Variants in ARMCX4 observed in about 807,000 individuals in gnomAD.
ARMCX4 encodes the protein armadillo repeat containing X-linked 4, also known as armadillo repeat-containing X-linked protein 4.
A neutral mutation model predicts 34.7 loss-of-function variants in ARMCX4; 3 were observed. The ratio of observed to expected loss-of-function variants is 0.09; its 90% CI spans 0.04 to 0.22. ARMCX4 has a LOEUF of 0.22. Ranked by LOEUF, ARMCX4 falls within the 10% of genes least tolerant of loss-of-function variation. ARMCX4 has a pLI of 1.00. For synonymous variants in ARMCX4, 513 were observed against 632.8 expected, an observed-to-expected ratio of 0.81 and a Z score of 2.84; for missense variants, 1,448 against 1,720.8, an observed-to-expected ratio of 0.84 and a Z score of 2.81.
rs782777532 is a variant in ARMCX4, at chrX:101,476,692, G to A, written c.-472-9331G>A. Among the ~76,000 whole-genome samples, 657 of 111,383 alleles carry A rather than the reference G, an allele frequency of 5.9e-3. 4 individuals are homozygous for A. Among genetic ancestry groups the A allele is most frequent in the Middle Eastern group, 9.3e-3 (2 of 214 alleles). ...TAAACCCACCAGATGTAAAACCTGG[G>A]ATGAGGTTAGAGTTATTAAAGAGGG... On this transcript the variant is annotated intron_variant and NMD_transcript_variant, in intron 4 of 15. Coordinates refer to the ARMCX4 transcript ENST00000433011.
chrX:101,434,138 G>C (rs1201829426), intron 2 of ARMCX4, among the ~76,000 whole-genome samples: 2 of 109,851 alleles, frequency 1.8e-5, no homozygotes, highest in Non-Finnish European at 3.8e-5. Flanking sequence ...TAGAGACGTG[G>C]GTCTCACCAT....
intron 4 of ARMCX4, among the ~76,000 whole-genome samples, chrX:101,452,912 A>G (rs1445725063): frequency 9.3e-6 from 1 of 107,137 alleles, no homozygotes; most frequent in African/African-American, 3.4e-5. Flanking sequence ...GGTAGTAGGG[A>G]GGGAGAAAAC....
rs1267044927 is a variant in ARMCX4 at position 101,439,339 on chromosome X, C to T, written n.165-4713C>T. Among the ~76,000 whole-genome samples, 7 of 111,568 alleles carry T rather than the reference C, an allele frequency of 6.3e-5. No individual in the cohort carries two copies. In the East Asian group the frequency reaches 8.5e-4, roughly 13 times the overall value. ...CTTGTAGAGTTTCTGCCGAGAGATCCGCTGTTAGTCTGATGGGCTTCCCTT... is the reference window on the plus strand; with the variant it reads ...CTTGTAGAGTTTCTGCCGAGAGATCTGCTGTTAGTCTGATGGGCTTCCCTT... On this transcript the variant is annotated intron_variant and non_coding_transcript_variant, in intron 2 of 3. Transcript: ENST00000430461.
chrX:101,447,606 A>G (rs1460772217), downstream of ARMCX4: 1 of 111,783 alleles, frequency 8.9e-6, no homozygotes, highest in Non-Finnish European at 1.9e-5. Context: ...GCTGTCTGGG[A>G]GCTCGGCTGC....
chrX:101,477,520 G>C (rs1316080796), intron 4 of ARMCX4, among the ~76,000 whole-genome samples: 1 of 98,687 alleles, frequency 1.0e-5, no homozygotes, highest in Admixed American at 1.2e-4. Flanking sequence ...ACTGTGCTCA[G>C]ACTATTATTT....
chrX:101,448,682 T>G (rs1931791218), downstream of ARMCX4, among the ~76,000 whole-genome samples: 1 of 111,200 alleles, frequency 9.0e-6, no homozygotes, highest in Non-Finnish European at 1.9e-5. Context: ...AACCTCCACC[T>G]CCCGGGTTCA....
intron 2 of ARMCX4, among the ~76,000 whole-genome samples, chrX:101,426,529 G>C (rs1555991040): frequency 9.0e-6 from 1 of 111,646 alleles, no homozygotes; most frequent in African/African-American, 3.3e-5. Context: ...GAGTTGTAAG[G>C]GTGAGAGCAG....
rs1477995042 is a variant in ARMCX4 at position 101,435,394 on chromosome X, A to G, written n.165-8658A>G. On this transcript the variant is annotated intron_variant and non_coding_transcript_variant, in intron 2 of 3. Coordinates refer to the ARMCX4 transcript ENST00000430461. ...TGCATTTCTCTGATGGCCAGTGATG[A>G]TGAGCATTTTTTCATGTGTCTTTTG... Among the ~76,000 whole-genome samples, 9 of 111,470 alleles carry G rather than the reference A, an allele frequency of 8.1e-5. No homozygotes were observed. In the East Asian group the frequency reaches 2.3e-3, roughly 28 times the overall value.
intron 2 of ARMCX4, among the ~76,000 whole-genome samples, chrX:101,426,266 G>A (rs1929617755): frequency 8.9e-6 from 1 of 111,758 alleles, no homozygotes; most frequent in South Asian, 3.7e-4. Flanking sequence ...ATCTGGAATC[G>A]AAAGCATAGG....
chrX:101,466,499 G>C (rs145938777), intron 4 of ARMCX4, among the ~76,000 whole-genome samples: 1,465 of 111,747 alleles, frequency 0.013, 27 homozygotes, highest in African/African-American at 0.045. Context: ...TCCATCATCT[G>C]GTGAATAAAT....
chrX:101,509,428 GTTTGAAAGTCAT>G (rs1934527703), intron 9 of ARMCX4: 2 of 111,262 alleles, frequency 1.8e-5, no homozygotes, highest in Non-Finnish European at 3.8e-5. Context: ...GATCTTTCAG[GTTTGAAAGTCAT>G]TTTTCTTTTT....
intron 2 of ARMCX4, among the ~76,000 whole-genome samples, chrX:101,442,200 C>T (rs782623317): frequency 2.2e-4 from 25 of 112,260 alleles, no homozygotes; most frequent in South Asian, 3.7e-4. Flanking sequence ...GGATTCCTAG[C>T]GCTGTCAGCA....
chrX:101,493,063 G>A lies in ARMCX4; in HGVS notation c.4474G>A (p.Asp1492Asn), dbSNP rs1310394765. The change falls in exon 6 of 6, where the codon GAC becomes AAC. Residue 1492 changes from aspartate (D) to asparagine (N), a missense_variant. Coordinates refer to ENST00000423738, the MANE Select transcript of ARMCX4 (RefSeq NM_001256155.3). ...VVGDSRLGLR[D>N]QSSGDSWAGT... ...TGGAGATTCTAGGCTGGGGCTTAGG[G>A]ACCAGTCTAGTGGAGATTCCTGGGC... 8.7e-7 allele frequency: 1 copy of A among 1,154,507 alleles called. No individual in the cohort carries two copies. The highest frequency in any genetic ancestry group is 1.9e-5 in the South Asian group (1 of 52,704).
chrX:101,492,965 T>C lies in ARMCX4; in HGVS notation c.4376T>C (p.Val1459Ala), dbSNP rs781795231. 60 of 1,149,311 alleles carry C rather than the reference T, an allele frequency of 5.2e-5. No homozygotes were observed. Among genetic ancestry groups the C allele is most frequent in the South Asian group, 4.8e-4 (25 of 52,387 alleles). The allele number at this position is 1,149,311 out of a possible 1,213,427, so 94.7% of individuals were successfully genotyped here. Residue 1459 changes from valine to alanine, a missense_variant, in exon 6 of 6, where the codon GTT (valine) becomes GCT (alanine). Coordinates refer to ENST00000423738, the MANE Select transcript of ARMCX4 (RefSeq NM_001256155.3). ...ACTGGGGCTGGGCATCCAGCTAGTGTTGGGCCAAAGCCTATATTTGAGGAT... is the reference window on the plus strand; with the variant it reads ...ACTGGGGCTGGGCATCCAGCTAGTGCTGGGCCAAAGCCTATATTTGAGGAT... ...SWTGAGHPAS[V>A]GPKPIFEDQV...
intron 2 of ARMCX4, among the ~76,000 whole-genome samples, chrX:101,425,470 T>A (rs58129309): frequency 9.4e-6 from 1 of 105,828 alleles, no homozygotes; most frequent in East Asian, 3.0e-4. Context: ...CTCGGCTCAC[T>A]GCAACTTCCG....
intron 11 of ARMCX4, among the ~76,000 whole-genome samples, chrX:101,517,835 A>C (rs782305319): frequency 9.0e-6 from 1 of 111,091 alleles, no homozygotes; most frequent in East Asian, 2.8e-4. Flanking sequence ...TCTAATATCT[A>C]CTCAAGGTTT....
chrX:101,516,993 C>A (rs933962213), intron 11 of ARMCX4: 1 of 112,039 alleles, frequency 8.9e-6, no homozygotes, highest in African/African-American at 3.2e-5. Context: ...ATGCCACCAG[C>A]CTGGATAGTT....
chrX:101,421,734 A>G (rs1929269316), intron 2 of ARMCX4, among the ~76,000 whole-genome samples: 1 of 110,337 alleles, frequency 9.1e-6, no homozygotes, highest in Non-Finnish European at 1.9e-5. Flanking sequence ...GAGGAGACCG[A>G]TCTTGCCCTT....
rs782040446 is a variant in ARMCX4 at position 101,456,889 on chromosome X, G to A, written c.-473+10845G>A. 4.6e-5 allele frequency among the ~76,000 whole-genome samples: 5 copies of A among 109,550 alleles called. No individual in the cohort carries two copies. In the East Asian group the frequency reaches 1.4e-3, roughly 31 times the overall value. ...TTCTCTTAATTTGTTGGTTCTCTGTGTATTTTTATTTTAAATAAAATATTT... is the reference window on the plus strand; with the variant it reads ...TTCTCTTAATTTGTTGGTTCTCTGTATATTTTTATTTTAAATAAAATATTT... On this transcript the variant is annotated intron_variant and NMD_transcript_variant, in intron 4 of 15. Transcript: ENST00000433011.
Sources: allele counts gnomAD v4.1 joint callset (sites outside exome capture counted in the v4.1 genomes callset), GRCh38; gene constraint gnomAD v4.1.1; transcripts MANE v1.5; gene names NCBI Gene and HGNC (gene_info 2026-07-23, HGNC 2026-07-21).